PTPRD: variants seen among roughly 807,000 people sequenced by gnomAD.
PTPRD encodes the protein receptor-type tyrosine-protein phosphatase delta.
PTPRD carries 34 observed loss-of-function variants against 214.5 expected under a neutral mutation model. That is an observed-to-expected ratio of 0.16 (90% CI 0.12 to 0.21). The LOEUF (loss-of-function observed/expected upper bound fraction) is 0.21, where lower values mean the gene tolerates loss of function less well. Among genes scored for constraint, PTPRD ranks in the 10% least tolerant of loss-of-function variants. The pLI, the probability that PTPRD is intolerant of heterozygous loss-of-function variation, is 1.00. For synonymous variants in PTPRD, 1,128 were observed against 845.7 expected, an observed-to-expected ratio of 1.33 and a Z score of -5.79; for missense variants, 2,545 against 2,398.7, an observed-to-expected ratio of 1.06 and a Z score of -1.27.
chr9:9,303,750 C>A (rs1595477776), intron 9 of PTPRD, among the ~76,000 whole-genome samples: 3 of 151,978 alleles, frequency 2.0e-5, no homozygotes, highest in Admixed American at 2.0e-4. Context: ...TAAAGTGAAC[C>A]AAGATACAGT....
chr9:9,009,721 G>C (rs1567568131), intron 11 of PTPRD, among the ~76,000 whole-genome samples: 1 of 152,032 alleles, frequency 6.6e-6, no homozygotes, highest in Non-Finnish European at 1.5e-5. Flanking sequence ...ATTCTGTGAT[G>C]TATGTGCCAA....
intron 3 of PTPRD, among the ~76,000 whole-genome samples, chr9:10,272,912 C>G (rs1021347265): frequency 6.6e-6 from 1 of 152,130 alleles, no homozygotes; most frequent in Non-Finnish European, 1.5e-5. Context: ...GTGGGGTGAG[C>G]AATTGAAATG....
intron 9 of PTPRD, among the ~76,000 whole-genome samples, chr9:9,222,334 G>C (rs535862764): frequency 6.6e-6 from 1 of 151,972 alleles, no homozygotes; most frequent in Non-Finnish European, 1.5e-5. Context: ...TTTTACAAGA[G>C]TTCTGTGTTT....
intron 8 of PTPRD, among the ~76,000 whole-genome samples, chr9:9,447,863 A>G (rs1220590543): frequency 6.6e-6 from 1 of 152,106 alleles, no homozygotes; most frequent in Non-Finnish European, 1.5e-5. Flanking sequence ...ATGTTCAAAA[A>G]GCAGCAAAAG....
intron 10 of PTPRD, among the ~76,000 whole-genome samples, chr9:9,061,070 T>A (rs551311969): frequency 6.6e-6 from 1 of 152,286 alleles, no homozygotes; most frequent in South Asian, 2.1e-4. Flanking sequence ...GGTGTTAGCC[T>A]TTAGGACAGC....
chr9:8,495,444 T>C (rs1353067631), intron 26 of PTPRD, among the ~76,000 whole-genome samples: 1 of 152,212 alleles, frequency 6.6e-6, no homozygotes, highest in Non-Finnish European at 1.5e-5. Context: ...ATAACTCTTT[T>C]TACCTGCTTT....
At chr9:9,814,690 G>GAA (rs1295765860) in intron 5 of PTPRD, among the ~76,000 whole-genome samples, 1 of 151,732 alleles carries the variant, frequency 6.6e-6, no homozygotes, top group Non-Finnish European at 1.5e-5. Flanking sequence ...ACAATCTACA[G>GAA]GTTCCACGCA....
chr9:9,946,177 T>C (rs999209680), intron 4 of PTPRD, among the ~76,000 whole-genome samples: 1 of 144,036 alleles, frequency 6.9e-6, no homozygotes, highest in Non-Finnish European at 1.5e-5. Flanking sequence ...TTTGTGGTTT[T>C]CTTCTTCACT....
intron 12 of PTPRD, among the ~76,000 whole-genome samples, chr9:8,694,756 C>G (rs1006534000): frequency 3.3e-5 from 5 of 152,158 alleles, no homozygotes; most frequent in Non-Finnish European, 7.3e-5. Flanking sequence ...GTTGGCAAAT[C>G]TGTATACTAC....
chr9:9,124,784 G>A (rs1021848517), intron 10 of PTPRD, among the ~76,000 whole-genome samples: 2 of 152,152 alleles, frequency 1.3e-5, no homozygotes, highest in African/African-American at 4.8e-5. Context: ...TACCAAAAAT[G>A]TTACAGGAGG....
In PTPRD at chr9:8,813,625, G is replaced by A. The variant is rs77339496; in HGVS notation, c.-103-79679C>T. 8.3e-3 allele frequency among the ~76,000 whole-genome samples: 1,263 copies of A among 152,186 alleles called. 41 individuals carry two copies. In the South Asian group the frequency reaches 0.087, roughly 11 times the overall value. ...TAGGCTAAAGCAATCCTCCCGCCTC[G>A]GCCTCCTGCAGTGCTGGGATTACAG... is the stretch of plus-strand genomic sequence containing the variant. On this transcript the variant is annotated intron_variant, in intron 11 of 45. Coordinates refer to ENST00000381196, the MANE Select transcript of PTPRD (RefSeq NM_002839.4).
At chr9:8,705,002 A>T (rs2098173940) in intron 12 of PTPRD, among the ~76,000 whole-genome samples, 1 of 152,096 alleles carries the variant, frequency 6.6e-6, no homozygotes, top group African/African-American at 2.4e-5. Context: ...ATTGTCCACA[A>T]GTCATAACTG....
chr9:10,091,063 T>C (rs2098424504), intron 3 of PTPRD, among the ~76,000 whole-genome samples: 1 of 151,206 alleles, frequency 6.6e-6, no homozygotes, highest in Admixed American at 6.6e-5. Flanking sequence ...ATACCTGGTA[T>C]ATGTAAAACA....
chr9:8,454,861 A>G (rs2096121888), intron 33 of PTPRD, among the ~76,000 whole-genome samples: 1 of 151,376 alleles, frequency 6.6e-6, no homozygotes, highest in African/African-American at 2.4e-5. Context: ...TGCCACGTGC[A>G]CTTTTATCCA....
At chr9:10,090,729 T>G (rs138208677) in intron 3 of PTPRD, among the ~76,000 whole-genome samples, 158 of 145,396 alleles carry the variant, frequency 1.1e-3, no homozygotes, top group African/African-American at 3.8e-3. Context: ...GAATCTAGTA[T>G]GCAAACTTAT....
At chr9:10,587,129 C>T (rs1253870722) in intron 2 of PTPRD, among the ~76,000 whole-genome samples, 1 of 151,984 alleles carries the variant, frequency 6.6e-6, no homozygotes, top group Non-Finnish European at 1.5e-5. Flanking sequence ...AAGGTGTAAT[C>T]ATGAAAAGAC....
intron 8 of PTPRD, among the ~76,000 whole-genome samples, chr9:9,429,741 T>C (rs918259266): frequency 6.6e-6 from 1 of 152,238 alleles, no homozygotes; most frequent in African/African-American, 2.4e-5. Context: ...GCAATGCTGG[T>C]TCAACATACA....
At chr9:10,306,339 G>A (rs1177715973) in intron 3 of PTPRD, among the ~76,000 whole-genome samples, 1 of 151,810 alleles carries the variant, frequency 6.6e-6, no homozygotes, top group Admixed American at 6.6e-5. Context: ...CGGGTTGATT[G>A]GTGTTGCAAA....
At chr9:8,794,841 A>G (rs2096361975) in intron 11 of PTPRD, among the ~76,000 whole-genome samples, 1 of 151,932 alleles carries the variant, frequency 6.6e-6, no homozygotes, top group Non-Finnish European at 1.5e-5. Flanking sequence ...GAAAAATTAC[A>G]TATGAACTTA....
Sources: allele counts gnomAD v4.1 joint callset (sites outside exome capture counted in the v4.1 genomes callset), GRCh38; gene constraint gnomAD v4.1.1; transcripts MANE v1.5; gene names NCBI Gene and HGNC (gene_info 2026-07-23, HGNC 2026-07-21).